The following PRDM6 variants were observed in gnomAD, a reference collection of about 807,000 sequenced individuals.
PRDM6 encodes PR/SET domain 6, also known as putative histone-lysine N-methyltransferase PRDM6.
In PRDM6, 25 loss-of-function variants were observed where a neutral mutation model predicts 60.8. The observed-to-expected ratio is 0.41, with a 90% CI of 0.30 to 0.57. PRDM6 has a LOEUF of 0.57. PRDM6 is among the 20% of genes least tolerant of loss of function. The probability of loss-of-function intolerance (pLI) is 0.27; values close to 1 mark genes in which losing one functional copy is unlikely to be tolerated. For synonymous variants in PRDM6, 407 were observed against 357.4 expected, an observed-to-expected ratio of 1.14 and a Z score of -1.57; for missense variants, 839 against 821.3, an observed-to-expected ratio of 1.02 and a Z score of -0.26.
intron 7 of PRDM6, 38 bp from the exon 8 acceptor site, chr5:123,187,049 C>A (rs986807050): frequency 4.7e-6 from 7 of 1,475,310 alleles, no homozygotes; most frequent in Non-Finnish European, 6.5e-6. Flanking sequence ...CTGCAGGCCC[C>A]GCTCCCTGGT....
At chr5:123,128,794 G>T (rs533996335) in intron 3 of PRDM6, among the ~76,000 whole-genome samples, 2 of 152,180 alleles carry the variant, frequency 1.3e-5, no homozygotes, top group South Asian at 4.2e-4. Context: ...GTCTATTTTG[G>T]CTTTTGTTGC....
At chr5:123,144,511 G>A (rs1468790029) in intron 3 of PRDM6, among the ~76,000 whole-genome samples, 1 of 152,130 alleles carries the variant, frequency 6.6e-6, no homozygotes, top group Non-Finnish European at 1.5e-5. Flanking sequence ...ACTGAGGCAT[G>A]AATGGGGTGG....
At chr5:123,167,234 A>G (rs570897470) in intron 5 of PRDM6, among the ~76,000 whole-genome samples, 3 of 151,726 alleles carry the variant, frequency 2.0e-5, no homozygotes, top group East Asian at 1.9e-4. Context: ...CTACTGATCT[A>G]TCAAACACTA....
chr5:123,092,407 C>G (rs1763860934), intron 2 of PRDM6, among the ~76,000 whole-genome samples: 1 of 152,144 alleles, frequency 6.6e-6, no homozygotes, highest in Admixed American at 6.5e-5. Context: ...CAGTACACCC[C>G]AAATCCCTGG....
In PRDM6 at chr5:123,099,073, C is replaced by G. The variant is rs1225140162; in HGVS notation, c.593-581C>G. On this transcript the variant is annotated intron_variant, in intron 2 of 7. Coordinates refer to ENST00000407847, the MANE Select transcript of PRDM6 (RefSeq NM_001136239.4). This position sits in a 1 kb window ranked among gnomAD's most constrained non-coding sequence, Gnocchi z 4.0. ...TAGACTGGCCGTCTCCCCCACCCCG[C>G]CCCGTCTGGTGATTTTAAATCGTCT... 6.6e-6 allele frequency among the ~76,000 whole-genome samples: 1 copy of G among 152,194 alleles called. No individual in the cohort carries two copies. Among genetic ancestry groups the G allele is most frequent in the Non-Finnish European group, 1.5e-5 (1 of 68,040 alleles).
In PRDM6 at chr5:123,099,336, A is replaced by T. The variant is rs1019099477; in HGVS notation, c.593-318A>T. The stretch of plus-strand genomic sequence containing the variant: ...AGAGATGCAGAGAGACTGAAACGGG[A>T]GGAAGAAGCCTGGAACTGTCGGTTC... On this transcript the variant is annotated intron_variant, in intron 2 of 7. Transcript: ENST00000407847. This position sits in a 1 kb window ranked among gnomAD's most constrained non-coding sequence, Gnocchi z 4.0. 2.0e-5 allele frequency among the ~76,000 whole-genome samples: 3 copies of T among 152,162 alleles called. No individual in the cohort carries two copies. The highest frequency in any genetic ancestry group is 7.2e-5 in the African/African-American group (3 of 41,454).
At chr5:123,179,164 G>T (rs894859354) in intron 6 of PRDM6, among the ~76,000 whole-genome samples, 3 of 152,198 alleles carry the variant, frequency 2.0e-5, no homozygotes, top group Non-Finnish European at 2.9e-5. Context: ...AGAGAAGACA[G>T]AATTTTAATC....
At chr5:123,102,496 AAGT>A (rs34872664) in intron 3 of PRDM6, among the ~76,000 whole-genome samples, 2,640 of 152,292 alleles carry the variant, frequency 0.017, 62 homozygotes, top group African/African-American at 0.058. Context: ...TAGAATCAGT[AAGT>A]AGAATACATT....
chr5:123,162,793 G>T (rs761211072), intron 5 of PRDM6, among the ~76,000 whole-genome samples: 15 of 152,328 alleles, frequency 9.8e-5, no homozygotes, highest in Middle Eastern at 6.8e-3. Flanking sequence ...ATCAGATCGT[G>T]TGGGGGAGAT....
At chr5:123,180,769 G>A (rs1313716356) in intron 7 of PRDM6, among the ~76,000 whole-genome samples, 6 of 152,146 alleles carry the variant, frequency 3.9e-5, no homozygotes, top group African/African-American at 1.4e-4. Flanking sequence ...GAACCCTTCA[G>A]GATTCTGATG....
chr5:123,151,996 T>TA lies in PRDM6; in HGVS notation c.901-3877dup, dbSNP rs904383155. Among the ~76,000 whole-genome samples, 965 of 150,480 alleles carry TA rather than the reference T, an allele frequency of 6.4e-3. 8 individuals are homozygous for TA. Among genetic ancestry groups the TA allele is most frequent in the African/African-American group, 0.019 (774 of 41,072 alleles). On this transcript the variant is annotated intron_variant, in intron 3 of 7. Coordinates refer to ENST00000407847, the MANE Select transcript of PRDM6 (RefSeq NM_001136239.4). ...TGTGCTGGTAAAAATGGAGGGAAAT[T>TA]AAAAAAAAAAACAGAAAAAAACAAT...
chr5:123,091,132 G>A (rs997384618), intron 2 of PRDM6, among the ~76,000 whole-genome samples: 3 of 152,158 alleles, frequency 2.0e-5, no homozygotes, highest in Non-Finnish European at 4.4e-5. Flanking sequence ...GAACCGGCGG[G>A]AGCTGTTCGC....
At chr5:123,104,026 T>C (rs1764155595) in intron 3 of PRDM6, among the ~76,000 whole-genome samples, 1 of 152,124 alleles carries the variant, frequency 6.6e-6, no homozygotes, top group African/African-American at 2.4e-5. Context: ...ATTTGCACTA[T>C]GTGGAAACCT....
chr5:123,111,008 G>A (rs1580485508), intron 3 of PRDM6, among the ~76,000 whole-genome samples: 1 of 152,028 alleles, frequency 6.6e-6, no homozygotes, highest in East Asian at 1.9e-4. Flanking sequence ...TCTGAATCTA[G>A]GATAGCTGGC....
intron 5 of PRDM6, among the ~76,000 whole-genome samples, chr5:123,167,895 A>AT (rs1561873146): frequency 2.6e-5 from 4 of 152,078 alleles, no homozygotes; most frequent in Non-Finnish European, 5.9e-5. Context: ...GTTAGTTTGA[A>AT]ATTGCCTGGC....
chr5:123,148,000 C>A (rs1413864440), intron 3 of PRDM6, among the ~76,000 whole-genome samples: 1 of 152,210 alleles, frequency 6.6e-6, no homozygotes, highest in Non-Finnish European at 1.5e-5. Context: ...CAGTAGCTGA[C>A]CCACAGTGTG....
At chr5:123,175,138 C>T (rs1223565237) in intron 6 of PRDM6, among the ~76,000 whole-genome samples, 1 of 152,164 alleles carries the variant, frequency 6.6e-6, no homozygotes, top group Non-Finnish European at 1.5e-5. Context: ...GGGTATGCTC[C>T]AGAAAGGGGT....
intron 3 of PRDM6, among the ~76,000 whole-genome samples, chr5:123,113,216 CA>C (rs1165794398): frequency 1.3e-5 from 2 of 152,148 alleles, no homozygotes; most frequent in African/African-American, 4.8e-5. Context: ...CATTATGGTT[CA>C]CCCTGGTGTT....
At chr5:123,128,417 C>A (rs1764742890) in intron 3 of PRDM6, among the ~76,000 whole-genome samples, 1 of 152,228 alleles carries the variant, frequency 6.6e-6, no homozygotes, top group African/African-American at 2.4e-5. Context: ...TCTCCACATC[C>A]TCTCCAGCAC....
Sources: allele counts gnomAD v4.1 joint callset (sites outside exome capture counted in the v4.1 genomes callset), GRCh38; gene constraint gnomAD v4.1.1; non-coding constraint Gnocchi (gnomAD v3.1); transcripts MANE v1.5; gene names NCBI Gene and HGNC (gene_info 2026-07-23, HGNC 2026-07-21).